The following KAZN variants were observed in gnomAD, a reference collection of about 807,000 sequenced individuals.
KAZN encodes the protein kazrin, periplakin interacting protein.
KAZN carries 40 observed loss-of-function variants against 87.4 expected under a neutral mutation model. That is an observed-to-expected ratio of 0.46 (90% CI 0.36 to 0.60). The LOEUF (loss-of-function observed/expected upper bound fraction) is 0.60. Among genes scored for constraint, KAZN ranks in the 20% least tolerant of loss-of-function variants. KAZN has a pLI of 0.00. For missense variants in KAZN, 898 were observed against 1,073.9 expected, an observed-to-expected ratio of 0.84 and a Z score of 2.29; for synonymous variants, 466 against 458.3, an observed-to-expected ratio of 1.02 and a Z score of -0.22.
At chr1:14,383,456 A>G (rs1661557601) in intron 2 of KAZN, among the ~76,000 whole-genome samples, 1 of 151,804 alleles carries the variant, frequency 6.6e-6, no homozygotes, top group African/African-American at 2.4e-5. Flanking sequence ...TAGGTCTAAC[A>G]TTTAAGTCTT....
intron 2 of KAZN, among the ~76,000 whole-genome samples, chr1:14,549,645 T>C (rs867059776): frequency 1.4e-5 from 2 of 144,742 alleles, no homozygotes; most frequent in African/African-American, 5.1e-5. Flanking sequence ...GACAAGGAAC[T>C]TGCTACTTTC....
At chr1:14,197,275 T>C (rs1214094703) in intron 2 of KAZN, among the ~76,000 whole-genome samples, 1 of 150,248 alleles carries the variant, frequency 6.7e-6, no homozygotes, top group Admixed American at 6.7e-5. Flanking sequence ...AGATTGTTGA[T>C]GCAGGAGATA....
chr1:14,687,669 CTG>C (rs1198839436), intron 1 of KAZN, among the ~76,000 whole-genome samples: 1 of 152,188 alleles, frequency 6.6e-6, no homozygotes, highest in East Asian at 1.9e-4. Flanking sequence ...GGATGTGACT[CTG>C]TGAGTCGTCA....
intron 1 of KAZN, among the ~76,000 whole-genome samples, chr1:14,753,887 GGCTGTTC>G (rs1644482528): frequency 6.6e-6 from 1 of 152,232 alleles, no homozygotes; most frequent in Admixed American, 6.5e-5. Context: ...TGTCTGGTGA[GGCTGTTC>G]TCTGCTTCCA....
intron 1 of KAZN, among the ~76,000 whole-genome samples, chr1:14,793,212 G>T (rs6693267): frequency 2.0e-4 from 31 of 152,038 alleles, no homozygotes; most frequent in Non-Finnish European, 4.4e-4. Flanking sequence ...GGAAATGATG[G>T]CAGAGCAAAT....
intron 2 of KAZN, among the ~76,000 whole-genome samples, chr1:14,384,648 G>A (rs569460039): frequency 6.6e-6 from 1 of 152,078 alleles, no homozygotes; most frequent in Non-Finnish European, 1.5e-5. Flanking sequence ...AACCAGCCTT[G>A]CATCCCAGGG....
At chr1:14,246,020 A>C (rs1649470690) in intron 2 of KAZN, among the ~76,000 whole-genome samples, 1 of 152,238 alleles carries the variant, frequency 6.6e-6, no homozygotes, top group Non-Finnish European at 1.5e-5. Context: ...ACAGGATCAT[A>C]TTCTTTGCAG....
chr1:14,040,575 A>AGTAG, intron 1 of KAZN, among the ~76,000 whole-genome samples: 1 of 152,304 alleles, frequency 6.6e-6, no homozygotes, highest in East Asian at 1.9e-4. Flanking sequence ...CAGCCTGACC[A>AGTAG]ACATGGTGAA....
rs1676684633 is a variant in KAZN, at chr1:14,598,719, G to A, written c.-279G>A. On this transcript the variant is annotated 5_prime_UTR_variant, in exon 1 of 15. Transcript: ENST00000376030. This position sits in a 1 kb window ranked among gnomAD's most constrained non-coding sequence, Gnocchi z 4.2. ...GCAGCTCTCGGCGCCCGCCCGCCGG[G>A]GTCTCGGCGATCGCTGCTCCTCCTC... 7.6e-7 allele frequency: 1 copy of A among 1,320,030 alleles called. No individual in the cohort carries two copies. Among genetic ancestry groups the A allele is most frequent in the African/African-American group, 1.6e-5 (1 of 64,426 alleles). 81.8% of individuals were successfully genotyped at this position (1,320,030 alleles called of 1,614,324 possible).
chr1:14,859,452 A>T (rs1001588614), intron 1 of KAZN, among the ~76,000 whole-genome samples: 3 of 152,176 alleles, frequency 2.0e-5, no homozygotes, highest in Non-Finnish European at 2.9e-5. Context: ...CCAGGCTCTT[A>T]ACCACTATCT....
chr1:14,815,373 A>C (rs778060030), intron 1 of KAZN, among the ~76,000 whole-genome samples: 1 of 152,158 alleles, frequency 6.6e-6, no homozygotes, highest in East Asian at 1.9e-4. Context: ...AAGGTTAAAT[A>C]AACACTAGAC....
chr1:14,662,983 T>A (rs1572166571), intron 1 of KAZN, among the ~76,000 whole-genome samples: 1 of 140,862 alleles, frequency 7.1e-6, no homozygotes. Flanking sequence ...ATATATATAT[T>A]TTAGAGAGGG....
chr1:13,905,987 CCTT>C (rs1418287479), intron 1 of KAZN, among the ~76,000 whole-genome samples: 1 of 152,178 alleles, frequency 6.6e-6, no homozygotes, highest in East Asian at 1.9e-4. Context: ...CCCAGCTCCT[CCTT>C]CTCATCTGTG....
intron 2 of KAZN, among the ~76,000 whole-genome samples, chr1:14,465,889 TCCCGTATGATTATAATA>T (rs1249673323): frequency 1.3e-5 from 2 of 152,178 alleles, no homozygotes; most frequent in Admixed American, 1.3e-4. Context: ...ACAACAGTGG[TCCCGTATGATTATAATA>T]CTGTATTTTT....
intron 1 of KAZN, among the ~76,000 whole-genome samples, chr1:14,010,963 C>A (rs950761601): frequency 6.6e-6 from 1 of 151,668 alleles, no homozygotes; most frequent in South Asian, 2.1e-4. Flanking sequence ...TTTTTTTGGA[C>A]CTTATCTCCC....
At chr1:14,224,172 A>G (rs1245029037) in intron 2 of KAZN, among the ~76,000 whole-genome samples, 1 of 152,172 alleles carries the variant, frequency 6.6e-6, no homozygotes, top group Non-Finnish European at 1.5e-5. Flanking sequence ...GAAAGTCAGT[A>G]GTTATTTCGG....
chr1:14,732,435 T>C (rs549876185), intron 1 of KAZN, among the ~76,000 whole-genome samples: 1 of 152,188 alleles, frequency 6.6e-6, no homozygotes, highest in East Asian at 1.9e-4. Context: ...GCTCAGGAGT[T>C]CAAGACCAGC....
At chr1:14,324,386 C>G (rs186350985) in intron 2 of KAZN, among the ~76,000 whole-genome samples, 103 of 152,280 alleles carry the variant, frequency 6.8e-4, no homozygotes, top group Middle Eastern at 3.4e-3. Flanking sequence ...TTATTTCCTG[C>G]TTGCACCACA....
In KAZN at chr1:15,081,790, G is replaced by A. The variant is rs781241884; in HGVS notation, c.1223-12390G>A. On this transcript the variant is annotated intron_variant, in intron 8 of 14. Transcript: ENST00000376030. This position sits in a 1 kb window ranked among gnomAD's most constrained non-coding sequence, Gnocchi z 4.1. ...CATCGGGGAAATGCAGGAAGCCCAG[G>A]GTGCCAAGGGCAGGGGTGAGAAGCT... Among the ~76,000 whole-genome samples the A allele has an allele frequency of 6.6e-6, 1 of 152,114 alleles. No individual in the cohort carries two copies.
Sources: allele counts gnomAD v4.1 joint callset (sites outside exome capture counted in the v4.1 genomes callset), GRCh38; gene constraint gnomAD v4.1.1; non-coding constraint Gnocchi (gnomAD v3.1); transcripts MANE v1.5; gene names NCBI Gene and HGNC (gene_info 2026-07-23, HGNC 2026-07-21).